Variants in IMMP2L observed in about 807,000 individuals in gnomAD.
The protein encoded by IMMP2L is mitochondrial inner membrane protease subunit 2.
A neutral mutation model predicts 19.3 loss-of-function variants in IMMP2L; 18 were observed. The observed-to-expected ratio is 0.93, with a 90% CI of 0.64 to 1.38. IMMP2L has a LOEUF of 1.38. IMMP2L is among the 40% of genes most tolerant of loss of function. The pLI, the probability that IMMP2L is intolerant of heterozygous loss-of-function variation, is 0.00. For missense variants in IMMP2L, 233 were observed against 218.2 expected, an observed-to-expected ratio of 1.07 and a Z score of -0.43; for synonymous variants, 76 against 73.0, an observed-to-expected ratio of 1.04 and a Z score of -0.21.
intron 3 of IMMP2L, among the ~76,000 whole-genome samples, chr7:111,269,299 T>C (rs183280157): frequency 2.6e-5 from 4 of 152,334 alleles, no homozygotes; most frequent in East Asian, 3.9e-4. Context: ...TAAGACACTA[T>C]ATAAATAAGC....
intron 3 of IMMP2L, among the ~76,000 whole-genome samples, chr7:111,143,626 T>C (rs2129599505): frequency 6.6e-6 from 1 of 152,290 alleles, no homozygotes; most frequent in South Asian, 2.1e-4. Flanking sequence ...AAAGAATTCT[T>C]TTACAGGCAC....
At chr7:111,474,914 T>G (rs1249238698) in intron 3 of IMMP2L, among the ~76,000 whole-genome samples, 1 of 152,162 alleles carries the variant, frequency 6.6e-6, no homozygotes, top group Admixed American at 6.6e-5. Flanking sequence ...AGACATACTA[T>G]TCTTCACACT....
At chr7:110,846,491 G>A (rs1163519315) in intron 5 of IMMP2L, among the ~76,000 whole-genome samples, 2 of 151,454 alleles carry the variant, frequency 1.3e-5, no homozygotes, top group African/African-American at 2.4e-5. Context: ...TTAGCCTCCC[G>A]AGTAGCTGGG....
intron 3 of IMMP2L, among the ~76,000 whole-genome samples, chr7:111,171,011 T>C (rs1009224665): frequency 1.3e-5 from 2 of 151,864 alleles, no homozygotes. Flanking sequence ...TAGTTCTAAT[T>C]GCTCAGAAGG....
At chr7:111,329,281 GAGA>G (rs1825640638) in intron 3 of IMMP2L, among the ~76,000 whole-genome samples, 2 of 151,780 alleles carry the variant, frequency 1.3e-5, no homozygotes, top group Non-Finnish European at 2.9e-5. Context: ...GGAAAAAAAA[GAGA>G]AGGAGAAGAA....
At chr7:110,810,383 T>C (rs1179376692) in intron 5 of IMMP2L, among the ~76,000 whole-genome samples, 3 of 152,048 alleles carry the variant, frequency 2.0e-5, no homozygotes, top group Admixed American at 2.0e-4. Context: ...ATAGCATGTG[T>C]TGCTAAAGGA....
intron 5 of IMMP2L, among the ~76,000 whole-genome samples, chr7:110,710,968 G>T (rs1448665269): frequency 5.1e-5 from 1 of 19,492 alleles, no homozygotes; most frequent in African/African-American, 2.8e-4. Flanking sequence ...TATCCAACTT[G>T]CCAGTCTGTG....
At chr7:110,680,528 C>T (rs759353734) in intron 5 of IMMP2L, among the ~76,000 whole-genome samples, 8 of 152,092 alleles carry the variant, frequency 5.3e-5, no homozygotes, top group Non-Finnish European at 1.0e-4. Context: ...GAAAAACTGA[C>T]TTCTCAAGAA....
At chr7:111,097,943 T>C (rs2129579272) in intron 3 of IMMP2L, among the ~76,000 whole-genome samples, 1 of 151,814 alleles carries the variant, frequency 6.6e-6, no homozygotes, top group South Asian at 2.1e-4. Flanking sequence ...CCCAAGGCAT[T>C]GAGAACAAAA....
chr7:111,048,502 C>T (rs572298457), intron 3 of IMMP2L, among the ~76,000 whole-genome samples: 19 of 152,040 alleles, frequency 1.2e-4, no homozygotes, highest in African/African-American at 4.6e-4. Flanking sequence ...TTCTGTTTTC[C>T]CACTGAGGTA....
intron 3 of IMMP2L, among the ~76,000 whole-genome samples, chr7:111,284,216 A>G (rs1347501853): frequency 1.4e-4 from 22 of 152,150 alleles, no homozygotes; most frequent in Admixed American, 1.4e-3. Flanking sequence ...AAACTTCTAG[A>G]TATATTTTGC....
At chr7:111,194,686 T>C (rs988179752) in intron 3 of IMMP2L, among the ~76,000 whole-genome samples, 21 of 152,170 alleles carry the variant, frequency 1.4e-4, no homozygotes, top group African/African-American at 5.1e-4. Context: ...TAATCAATAT[T>C]TGTTTCTAAA....
chr7:110,950,942 A>T (rs184727313), intron 4 of IMMP2L, among the ~76,000 whole-genome samples: 37 of 147,988 alleles, frequency 2.5e-4, no homozygotes, highest in African/African-American at 8.7e-4. Flanking sequence ...AATATTTTTC[A>T]AGTATTAGTA....
intron 4 of IMMP2L, among the ~76,000 whole-genome samples, chr7:110,939,524 G>A (rs1299155920): frequency 6.6e-6 from 1 of 152,060 alleles, no homozygotes; most frequent in Non-Finnish European, 1.5e-5. Context: ...AATTTCCTGG[G>A]TCACCTGTAA....
chr7:110,713,286 G>A (rs533268922), intron 5 of IMMP2L, among the ~76,000 whole-genome samples: 1 of 152,218 alleles, frequency 6.6e-6, no homozygotes, highest in South Asian at 2.1e-4. Context: ...TTTTGTACTA[G>A]TACCATGCTC....
At chr7:110,817,150 T>C (rs1279578220) in intron 5 of IMMP2L, among the ~76,000 whole-genome samples, 1 of 152,026 alleles carries the variant, frequency 6.6e-6, no homozygotes, top group East Asian at 1.9e-4. Context: ...GGTATTCAAT[T>C]AGGAAAAGAG....
At chr7:110,675,145 A>G (rs1792207814) in intron 5 of IMMP2L, among the ~76,000 whole-genome samples, 2 of 152,184 alleles carry the variant, frequency 1.3e-5, no homozygotes, top group African/African-American at 2.4e-5. Context: ...AGGATTACAC[A>G]GCTATCATCC....
chr7:111,283,219 G>T (rs1014964447), intron 3 of IMMP2L, among the ~76,000 whole-genome samples: 2 of 152,130 alleles, frequency 1.3e-5, no homozygotes, highest in Non-Finnish European at 2.9e-5. Context: ...TAACCAATGG[G>T]TCAAAGAAGA....
intron 5 of IMMP2L, among the ~76,000 whole-genome samples, chr7:110,753,557 C>G (rs1797858556): frequency 6.6e-6 from 1 of 151,942 alleles, no homozygotes; most frequent in African/African-American, 2.4e-5. Context: ...TATCATGATA[C>G]CTCGATTTTC....
Sources: gnomAD v4.1 joint callset for allele counts (sites outside exome capture counted in the v4.1 genomes callset) on GRCh38, gnomAD v4.1.1 for gene constraint, MANE v1.5 for transcripts, NCBI Gene and HGNC (gene_info 2026-07-23, HGNC 2026-07-21) for gene names.